The following C9orf72 variants were observed in gnomAD, a reference collection of about 807,000 sequenced individuals.
The protein encoded by C9orf72 is guanine nucleotide exchange factor C9orf72.
Under a neutral mutation model 51.6 loss-of-function variants are expected in C9orf72, and 44 were observed. That is an observed-to-expected ratio of 0.85 (90% CI 0.67 to 1.10). The LOEUF (loss-of-function observed/expected upper bound fraction) is 1.10, where lower values mean the gene tolerates loss of function less well. C9orf72 is among the 50% of genes least tolerant of loss of function. The pLI is 0.00. For synonymous variants in C9orf72, 213 were observed against 194.2 expected, an observed-to-expected ratio of 1.10 and a Z score of -0.81; for missense variants, 607 against 570.6, an observed-to-expected ratio of 1.06 and a Z score of -0.65.
chr9:27,566,002 T>A (rs997982487), intron 2 of C9orf72, among the ~76,000 whole-genome samples: 2 of 152,166 alleles, frequency 1.3e-5, no homozygotes, highest in African/African-American at 4.8e-5. Context: ...TTAAAAGATA[T>A]TATTTTTCCT....
intron 7 of C9orf72, 36 bp from the exon 8 acceptor site, chr9:27,556,832 G>T: frequency 1.5e-6 from 2 of 1,303,730 alleles, no homozygotes; most frequent in Non-Finnish European, 2.2e-6. Flanking sequence ...TGTCTTACAT[G>T]CCAAACGATA....
chr9:27,553,304 G>C (rs1820945652), intron 8 of C9orf72, among the ~76,000 whole-genome samples: 2 of 152,028 alleles, frequency 1.3e-5, no homozygotes, highest in Admixed American at 1.3e-4. Flanking sequence ...CATCACATTA[G>C]CCGATTTTAT....
intron 7 of C9orf72, among the ~76,000 whole-genome samples, chr9:27,557,690 C>CA (rs1468508959): frequency 1.3e-5 from 2 of 151,996 alleles, no homozygotes; most frequent in East Asian, 3.9e-4. Flanking sequence ...ATGTATAACT[C>CA]AAATAGAAAC....
chr9:27,548,438 A>C lies in C9orf72; in HGVS notation c.1260-16T>G. ...TCCCTTCTGCCTAAAAATAATGGAA[A>C]AAAAAAAAAAAAAAAAAAAAAAAGA... On this transcript the variant is annotated splice_polypyrimidine_tract_variant and intron_variant, in intron 10 of 10. Transcript: ENST00000380003. The C allele has an allele frequency of 5.8e-5, 26 of 448,334 alleles. No homozygotes were observed. Among genetic ancestry groups the C allele is most frequent in the East Asian group, 2.4e-4 (1 of 4,218 alleles). 27.8% of individuals were successfully genotyped at this position (448,334 alleles called of 1,614,324 possible).
At chr9:27,570,826 GCCACTGCACT>G (rs1000836311) in intron 1 of C9orf72, among the ~76,000 whole-genome samples, 6 of 152,166 alleles carry the variant, frequency 3.9e-5, no homozygotes, top group Admixed American at 3.3e-4. Context: ...CTGAGATGGC[GCCACTGCACT>G]CCAGCCTGGG....
chr9:27,560,787 T>C, intron 5 of C9orf72: 1 of 977,196 alleles, frequency 1.0e-6, no homozygotes, highest in Non-Finnish European at 1.2e-6. Context: ...AGTGAATACT[T>C]TATACTTTTA....
rs1819201916 is a variant in C9orf72 at position 27,556,548 on chromosome 9, G to C, written c.1091+13C>G. The C allele has an allele frequency of 2.6e-6, 4 of 1,532,104 alleles. No homozygotes were observed. Among genetic ancestry groups the C allele is most frequent in the Non-Finnish European group, 2.7e-6 (3 of 1,106,096 alleles). The allele number at this position is 1,532,104 out of a possible 1,614,324, so 94.9% of individuals were successfully genotyped here. A position where few individuals can be genotyped will look rare whatever the true frequency, so the allele number is the denominator to read the frequency against. On this transcript the variant is annotated intron_variant, in intron 8 of 10. Transcript: ENST00000380003. ...TGCTTGACTACAGTACCAGCAGGCA[G>C]AGCATTACGTACAAATCAGGAGTAA...
At chr9:27,561,490 G>C (rs1785502222) in intron 5 of C9orf72, 95 bp downstream of exon 5, 2 of 1,549,596 alleles carry the variant, frequency 1.3e-6, no homozygotes, top group Non-Finnish European at 1.7e-6. Flanking sequence ...AATCTAAGTA[G>C]ACAGTCTGTT....
At chr9:27,564,370 C>T (rs1819419062) in intron 3 of C9orf72, among the ~76,000 whole-genome samples, 2 of 152,084 alleles carry the variant, frequency 1.3e-5, no homozygotes, top group Non-Finnish European at 2.9e-5. Flanking sequence ...AAACAAAATC[C>T]CAGTAAAAGC....
intron 1 of C9orf72, among the ~76,000 whole-genome samples, chr9:27,568,799 A>G (rs982574763): frequency 2.0e-5 from 3 of 152,002 alleles, no homozygotes; most frequent in Non-Finnish European, 4.4e-5. Flanking sequence ...TCACTATACT[A>G]TGCCTTTTAT....
Position 27,547,965 on chromosome 9 carries a change from T to C in C9orf72, c.*271A>G. On this transcript the variant is annotated 3_prime_UTR_variant, in exon 11 of 11. Transcript: ENST00000380003. ...TTGTGGTCAAGTTTACATCCTATTA[T>C]TATATCTTTAAAAGATAGCAATAAT... The C allele has an allele frequency of 4.3e-6, 1 of 231,412 alleles. No homozygotes were observed. Among genetic ancestry groups the C allele is most frequent in the Non-Finnish European group, 8.3e-6 (1 of 120,466 alleles). The allele number at this position is 231,412 out of a possible 1,614,324, so 14.3% of individuals were successfully genotyped here. A position where few individuals can be genotyped will look rare whatever the true frequency, so the allele number is the denominator to read the frequency against.
Position 27,558,824 on chromosome 9 carries a change from G to T in C9orf72, c.739-217C>A. ...TTAGAAAATGCTTGGTAAATTTACTGTATGGCATCTCAAAACCTTTAACAT... is the reference window on the plus strand; with the variant it reads ...TTAGAAAATGCTTGGTAAATTTACTTTATGGCATCTCAAAACCTTTAACAT... On this transcript the variant is annotated intron_variant, in intron 6 of 10. Transcript: ENST00000380003. 8 of 427,620 alleles carry T rather than the reference G, an allele frequency of 1.9e-5. No individual in the cohort carries two copies. The South Asian group carries it at 2.0e-4, about 11-fold the overall frequency. 26.5% of individuals were successfully genotyped at this position (427,620 alleles called of 1,614,324 possible).
At position 27,556,170 on chromosome 9, in the gene C9orf72, T is replaced by C. The variant is rs185727693; in HGVS notation, c.1091+391A>G. On this transcript the variant is annotated intron_variant, in intron 8 of 10. Transcript: ENST00000380003. ...TTCATATGTCAAGAAAAAAAAGACT[T>C]AGAATTACTTCTTTGGTTTTGTTAA... Among the ~76,000 whole-genome samples, 341 of 152,258 alleles carry C rather than the reference T, an allele frequency of 2.2e-3. 2 individuals carry two copies. Among genetic ancestry groups the C allele is most frequent in the Non-Finnish European group, 3.5e-3 (238 of 68,008 alleles).
intron 9 of C9orf72, 38 bp downstream of exon 9, chr9:27,550,612 A>G: frequency 1.5e-6 from 2 of 1,291,364 alleles, no homozygotes; most frequent in Non-Finnish European, 2.2e-6. Flanking sequence ...AAAACATGTC[A>G]TATCATTCAC....
At chr9:27,558,439 T>C (rs17696570) in intron 7 of C9orf72, 52 bp downstream of exon 7, 29,318 of 972,926 alleles carry the variant, frequency 0.03, 591 homozygotes, top group Non-Finnish European at 0.035. Flanking sequence ...ATAAAGAGTC[T>C]CAAAAATGAT....
chr9:27,557,580 T>C (rs1819236517), intron 7 of C9orf72, among the ~76,000 whole-genome samples: 1 of 152,120 alleles, frequency 6.6e-6, no homozygotes, highest in African/African-American at 2.4e-5. Context: ...TAGGTCCCTT[T>C]CAGAACTAAA....
At chr9:27,562,919 CTCACTT>C (rs1176673333) in intron 3 of C9orf72, among the ~76,000 whole-genome samples, 1 of 152,044 alleles carries the variant, frequency 6.6e-6, no homozygotes, top group Non-Finnish European at 1.5e-5. Context: ...GGCCCTAAAG[CTCACTT>C]TTATTCTTTA....
At chr9:27,564,474 C>T (rs559924445) in intron 3 of C9orf72, among the ~76,000 whole-genome samples, 24 of 152,212 alleles carry the variant, frequency 1.6e-4, no homozygotes, top group African/African-American at 4.3e-4. Context: ...CTGAAAGTTA[C>T]CCCATTCCTG....
At chr9:27,561,355 G>T in intron 5 of C9orf72, 3 of 1,276,962 alleles carry the variant, frequency 2.3e-6, no homozygotes, top group Non-Finnish European at 3.0e-6. Context: ...ATGATTTCTT[G>T]TCTGGGATGG....
Sources: gnomAD v4.1 joint callset for allele counts (sites outside exome capture counted in the v4.1 genomes callset) on GRCh38, gnomAD v4.1.1 for gene constraint, MANE v1.5 for transcripts, NCBI Gene and HGNC (gene_info 2026-07-23, HGNC 2026-07-21) for gene names.